XPO4: variants seen among roughly 807,000 people sequenced by gnomAD.
XPO4 encodes the protein exportin-4.
Under a neutral mutation model 143.0 loss-of-function variants are expected in XPO4, and 39 were observed. The ratio of observed to expected loss-of-function variants is 0.27; its 90% confidence interval spans 0.21 to 0.36. The LOEUF is 0.36. Ranked by LOEUF, XPO4 falls within the 10% of genes least tolerant of loss-of-function variation. The pLI is 1.00. For synonymous variants in XPO4, 439 were observed against 474.0 expected (o/e 0.93, Z 0.96); for missense variants, 907 against 1,348.0 (o/e 0.67, Z 5.12).
At chr13:20,874,568 C>T (rs1267678059) in intron 1 of XPO4, among the ~76,000 whole-genome samples, 1 of 152,182 alleles carries the variant, frequency 6.6e-6, no homozygotes, top group Non-Finnish European at 1.5e-5. Context: ...GGCCCTATTT[C>T]TCTTTCTCTC....
intron 3 of XPO4, among the ~76,000 whole-genome samples, chr13:20,859,577 A>G (rs1484334745): frequency 2.1e-5 from 3 of 144,818 alleles, no homozygotes; most frequent in Non-Finnish European, 4.5e-5. Flanking sequence ...TCCAGCCTGG[A>G]TGACAGACCG....
Position 20,822,244 on chromosome 13 carries a change from G to A in XPO4, c.886C>T (p.Leu296=), listed in dbSNP as rs370002200. 1 of 1,613,874 alleles carries A rather than the reference G, an allele frequency of 6.2e-7. No homozygotes were observed. Among genetic ancestry groups the A allele is most frequent in the East Asian group, 2.2e-5 (1 of 44,860 alleles). Residue 296 remains leucine, a synonymous_variant, in exon 8 of 23, where the codon CTG becomes TTG. Transcript: ENST00000255305. ...GAAGCTAACTGGGCAAGGCACTGCA[G>A]AGAATCTTGTGCCATATCTGAATCT... ...REDSDMAQDS[L]QCLAQLASLH... is the part of the protein sequence containing the mutation.
chr13:20,846,510 A>G (rs2060030426), intron 4 of XPO4, among the ~76,000 whole-genome samples: 1 of 152,220 alleles, frequency 6.6e-6, no homozygotes, highest in African/African-American at 2.4e-5. Context: ...TTCCACACTA[A>G]TGAAGTACAA....
At chr13:20,787,185 C>T (rs1438630718) in intron 21 of XPO4, 128 bp from the exon 22 acceptor site, 11 of 864,708 alleles carry the variant, frequency 1.3e-5, no homozygotes. Flanking sequence ...CTGAAATTTT[C>T]CTTAATGTTT....
chr13:20,796,174 T>A lies in XPO4; in HGVS notation c.2699A>T (p.Asp900Val). Reference protein sequence around the residue: ...SKNNLGRQRIDVTAEEEQYQD... With the variant: ...SKNNLGRQRIVVTAEEEQYQD... ...GTATTGCTCTTCTTCTGCTGTAACA[T>A]CTATTCTTTGCCGCCCTAAATTATT... The change falls in exon 18 of 23, where the codon GAT (aspartate) becomes GTT (valine). Residue 900 changes from aspartate to valine, a missense_variant. Coordinates refer to ENST00000255305, the MANE Select transcript of XPO4 (RefSeq NM_022459.5). 1 of 1,613,806 alleles carries A rather than the reference T, an allele frequency of 6.2e-7. No individual in the cohort carries two copies. Among genetic ancestry groups the A allele is most frequent in the African/African-American group, 1.3e-5 (1 of 74,964 alleles).
intron 1 of XPO4, among the ~76,000 whole-genome samples, chr13:20,895,126 C>T (rs1372702304): frequency 2.0e-5 from 3 of 151,728 alleles, no homozygotes; most frequent in Non-Finnish European, 2.9e-5. Context: ...GGCAGGGAGC[C>T]GAGATTGCGC....
intron 16 of XPO4, among the ~76,000 whole-genome samples, chr13:20,797,652 C>G (rs753614470): frequency 6.6e-6 from 1 of 152,124 alleles, no homozygotes; most frequent in African/African-American, 2.4e-5. Context: ...CAAACAACTG[C>G]CTAATTCCAT....
chr13:20,788,595 A>G lies in XPO4; in HGVS notation c.2938T>C (p.Tyr980His). 1 of 1,607,750 alleles carries G rather than the reference A, an allele frequency of 6.2e-7. No homozygotes were observed. Among genetic ancestry groups the G allele is most frequent in the Non-Finnish European group, 8.5e-7 (1 of 1,177,738 alleles). Residue 980 changes from tyrosine (Y) to histidine (H), a missense_variant, in exon 20 of 23, where the codon TAC becomes CAC. Coordinates refer to ENST00000255305, the MANE Select transcript of XPO4 (RefSeq NM_022459.5). Reference protein sequence around the residue: ...LLKFPTLCNQYYKLITFICEI... With the variant: ...LLKFPTLCNQHYKLITFICEI... ...CAGATAAATGTGATTAATTTGTAGT[A>G]CTGATTACAAAGGGTTGGAAACTGA...
At chr13:20,839,685 T>C (rs889225723) in intron 6 of XPO4, among the ~76,000 whole-genome samples, 4 of 151,690 alleles carry the variant, frequency 2.6e-5, no homozygotes, top group Non-Finnish European at 5.9e-5. Context: ...AAAATTAAAA[T>C]AAAAAAATTA....
upstream of XPO4, chr13:20,902,766 C>G (rs754887438): frequency 2.1e-6 from 3 of 1,428,332 alleles, no homozygotes; most frequent in South Asian, 1.6e-5. Flanking sequence ...GCGCCATGCG[C>G]TGCATTCTGG....
intron 13 of XPO4, 114 bp from the exon 14 acceptor site, chr13:20,801,104 G>T: frequency 8.4e-7 from 1 of 1,185,392 alleles, no homozygotes; most frequent in Non-Finnish European, 1.2e-6. Context: ...TTTAGGTCAG[G>T]CTATACTTGA....
At chr13:20,870,349 T>C (rs1459157488) in intron 1 of XPO4, among the ~76,000 whole-genome samples, 1 of 151,728 alleles carries the variant, frequency 6.6e-6, no homozygotes, top group African/African-American at 2.4e-5. Context: ...CGAGAATCAC[T>C]TGAACCCAGG....
chr13:20,791,884 T>C (rs2059283694), intron 18 of XPO4, among the ~76,000 whole-genome samples: 1 of 152,206 alleles, frequency 6.6e-6, no homozygotes, highest in African/African-American at 2.4e-5. Context: ...ACTTCTCCCC[T>C]GGAATCTTTG....
intron 11 of XPO4, 56 bp downstream of exon 11, chr13:20,809,027 A>T: frequency 6.3e-7 from 1 of 1,581,280 alleles, no homozygotes; most frequent in South Asian, 1.2e-5. Flanking sequence ...AGTGCTCTCC[A>T]GGGAATTGTG....
intron 6 of XPO4, among the ~76,000 whole-genome samples, chr13:20,831,556 T>C (rs1208195376): frequency 6.6e-6 from 1 of 152,176 alleles, no homozygotes; most frequent in African/African-American, 2.4e-5. Flanking sequence ...TCAAGAATTT[T>C]CTTGGGCTAT....
At chr13:20,825,006 G>C (rs2059766659) in intron 7 of XPO4, among the ~76,000 whole-genome samples, 1 of 152,172 alleles carries the variant, frequency 6.6e-6, no homozygotes, top group South Asian at 2.1e-4. Flanking sequence ...GTGTCAAAGA[G>C]AGAGCCACAG....
intron 12 of XPO4, 92 bp from the exon 13 acceptor site, chr13:20,807,726 CAT>C: frequency 3.2e-6 from 3 of 945,332 alleles, no homozygotes; most frequent in Non-Finnish European, 4.4e-6. Flanking sequence ...TTATATACAT[CAT>C]ATAAATTGAT....
intron 9 of XPO4, among the ~76,000 whole-genome samples, chr13:20,819,925 G>A (rs948764437): frequency 6.6e-6 from 1 of 152,126 alleles, no homozygotes; most frequent in Non-Finnish European, 1.5e-5. Flanking sequence ...TCTTAAGAAA[G>A]TCACCATGCC....
chr13:20,796,198 T>C lies in XPO4; in HGVS notation c.2675A>G (p.Asn892Ser). ...CLTLLQVYSKNNLGRQRIDVT... is the reference protein window; with the variant it reads ...CLTLLQVYSKSNLGRQRIDVT... Reference sequence around the variant, plus strand: ...ATCTATTCTTTGCCGCCCTAAATTATTCTTAGAATACACTTGCAACAAAGT... The same window carrying C: ...ATCTATTCTTTGCCGCCCTAAATTACTCTTAGAATACACTTGCAACAAAGT... Residue 892 changes from asparagine (N) to serine (S), a missense_variant, in exon 18 of 23, where the codon AAT becomes AGT. Transcript: ENST00000255305. The C allele has an allele frequency of 6.2e-7, 1 of 1,613,634 alleles. No homozygotes were observed. Among genetic ancestry groups the C allele is most frequent in the Non-Finnish European group, 8.5e-7 (1 of 1,179,928 alleles).
Sources: allele counts gnomAD v4.1 joint callset (sites outside exome capture counted in the v4.1 genomes callset), GRCh38; gene constraint gnomAD v4.1.1; transcripts MANE v1.5; gene names NCBI Gene and HGNC (gene_info 2026-07-23, HGNC 2026-07-21).